Variants in CPED1 observed in about 807,000 individuals in gnomAD.
CPED1 encodes the protein cadherin like and PC-esterase domain containing 1.
CPED1 carries 114 observed loss-of-function variants against 128.2 expected under a neutral mutation model. That is an observed-to-expected ratio of 0.89 (90% CI 0.76 to 1.04). The LOEUF (loss-of-function observed/expected upper bound fraction) is 1.04. CPED1 is among the 50% of genes least tolerant of loss of function. CPED1 has a pLI of 0.00. For missense variants in CPED1, 1,211 were observed against 1,207.1 expected (o/e 1.00, Z -0.05); for synonymous variants, 462 against 426.7 (o/e 1.08, Z -1.02).
At chr7:121,027,005 ATTT>A (rs111761805) in intron 3 of CPED1, among the ~76,000 whole-genome samples, 2 of 135,484 alleles carry the variant, frequency 1.5e-5, no homozygotes, top group Non-Finnish European at 1.6e-5. Context: ...AATTTTTCTT[ATTT>A]TTTTTTTTTT....
At chr7:121,137,364 G>T (rs952012669) in intron 14 of CPED1, among the ~76,000 whole-genome samples, 3 of 151,948 alleles carry the variant, frequency 2.0e-5, no homozygotes, top group Non-Finnish European at 4.4e-5. Context: ...ATAGAAAGGA[G>T]GTCTTGCTAC....
intron 7 of CPED1, among the ~76,000 whole-genome samples, chr7:121,103,849 CAG>C (rs1794909941): frequency 6.6e-6 from 1 of 151,988 alleles, no homozygotes; most frequent in Non-Finnish European, 1.5e-5. Context: ...AAGGCAATAA[CAG>C]ATATAACTAT....
At chr7:121,147,459 G>A (rs1257286907) in intron 16 of CPED1, among the ~76,000 whole-genome samples, 1 of 152,070 alleles carries the variant, frequency 6.6e-6, no homozygotes, top group Non-Finnish European at 1.5e-5. Context: ...GATTTAGAAA[G>A]TAATAAACTG....
chr7:121,211,263 A>C (rs1797633975), intron 16 of CPED1, among the ~76,000 whole-genome samples: 1 of 152,072 alleles, frequency 6.6e-6, no homozygotes, highest in Middle Eastern at 3.2e-3. Context: ...CAGCTGTTAA[A>C]CTATTCTGTC....
chr7:121,019,415 A>G (rs182405620), intron 3 of CPED1, among the ~76,000 whole-genome samples: 49 of 152,174 alleles, frequency 3.2e-4, no homozygotes, highest in Admixed American at 7.9e-4. Context: ...TCAGTGTTTT[A>G]TCTCATGCAG....
At chr7:120,995,744 T>C (rs41694) in intron 2 of CPED1, among the ~76,000 whole-genome samples, 33,426 of 152,078 alleles carry the variant, frequency 0.22, 3,923 homozygotes, top group African/African-American at 0.26. Flanking sequence ...GCTTCTTCCC[T>C]GTACCTTGCT....
chr7:121,290,365 C>T (rs1792671260), intron 22 of CPED1, among the ~76,000 whole-genome samples: 1 of 152,150 alleles, frequency 6.6e-6, no homozygotes, highest in African/African-American at 2.4e-5. Flanking sequence ...AGTTCTAGAT[C>T]CTTGAGGAAT....
intron 5 of CPED1, among the ~76,000 whole-genome samples, chr7:121,079,907 C>G (rs17143147): frequency 3.3e-5 from 5 of 152,084 alleles, no homozygotes; most frequent in African/African-American, 1.2e-4. Flanking sequence ...TTGGGTAACA[C>G]GCTGATAATT....
intron 16 of CPED1, among the ~76,000 whole-genome samples, chr7:121,211,069 A>T (rs1433415027): frequency 3.3e-5 from 5 of 152,084 alleles, no homozygotes; most frequent in African/African-American, 1.2e-4. Flanking sequence ...ATGGAACATA[A>T]TTTGGGAAAC....
chr7:120,990,498 A>G (rs761334722), intron 2 of CPED1, among the ~76,000 whole-genome samples: 1 of 152,308 alleles, frequency 6.6e-6, no homozygotes, highest in South Asian at 2.1e-4. Flanking sequence ...TAAACTTACT[A>G]ATCTTACTTG....
chr7:121,244,459 T>A (rs2116689344), intron 18 of CPED1, 121 bp downstream of exon 18: 1 of 977,786 alleles, frequency 1.0e-6, no homozygotes, highest in South Asian at 1.6e-5. Context: ...ACTAACTGAA[T>A]GCAATATGGC....
rs141226011 is a variant in CPED1, at chr7:121,225,769, C to T, written c.2056-10945C>T. On this transcript the variant is annotated intron_variant, in intron 16 of 22. Coordinates refer to ENST00000310396, the MANE Select transcript of CPED1 (RefSeq NM_024913.5). The stretch of plus-strand genomic sequence containing the variant: ...ATACCCTTCTTCTACTTCATCGAAT[C>T]GGGTATTGAAGCTTGTGTATGCATC... 3.6e-3 allele frequency among the ~76,000 whole-genome samples: 541 copies of T among 152,152 alleles called. 9 individuals are homozygous for T. Among genetic ancestry groups the T allele is most frequent in the African/African-American group, 0.012 (508 of 41,534 alleles).
intron 16 of CPED1, among the ~76,000 whole-genome samples, chr7:121,186,709 A>G (rs920313890): frequency 6.6e-6 from 1 of 152,180 alleles, no homozygotes; most frequent in Non-Finnish European, 1.5e-5. Context: ...ATTATCTTAC[A>G]TGCTTAGCAG....
At chr7:121,146,879 T>C (rs143027654) in intron 16 of CPED1, among the ~76,000 whole-genome samples, 2 of 152,232 alleles carry the variant, frequency 1.3e-5, no homozygotes, top group East Asian at 1.9e-4. Flanking sequence ...TATAACCAGA[T>C]TGGGATTAGA....
chr7:121,228,996 A>C (rs1484547446), intron 16 of CPED1, among the ~76,000 whole-genome samples: 1 of 151,940 alleles, frequency 6.6e-6, no homozygotes, highest in Non-Finnish European at 1.5e-5. Context: ...GGGGGTAAGG[A>C]GGGAGGATGA....
At chr7:120,993,619 A>T (rs1796345184) in intron 2 of CPED1, among the ~76,000 whole-genome samples, 1 of 152,222 alleles carries the variant, frequency 6.6e-6, no homozygotes. Context: ...AAAATTCCTT[A>T]CTTGGCCCAG....
chr7:121,173,054 TG>T (rs1563054175), intron 16 of CPED1, among the ~76,000 whole-genome samples: 5 of 152,178 alleles, frequency 3.3e-5, no homozygotes, highest in Admixed American at 6.5e-5. Flanking sequence ...AGACCATTTT[TG>T]TTGGGCAGCT....
intron 16 of CPED1, among the ~76,000 whole-genome samples, chr7:121,190,223 T>C (rs909709291): frequency 3.3e-5 from 5 of 151,866 alleles, no homozygotes; most frequent in Admixed American, 3.3e-4. Context: ...GAGAAGCCTT[T>C]CAGCTATCTG....
intron 2 of CPED1, among the ~76,000 whole-genome samples, chr7:121,000,656 C>T (rs1297084407): frequency 6.6e-6 from 1 of 152,062 alleles, no homozygotes; most frequent in Non-Finnish European, 1.5e-5. Context: ...GTCAGAGTAA[C>T]TTGGTAAGAG....
Sources: gnomAD v4.1 joint callset for allele counts (sites outside exome capture counted in the v4.1 genomes callset) on GRCh38, gnomAD v4.1.1 for gene constraint, MANE v1.5 for transcripts, NCBI Gene and HGNC (gene_info 2026-07-23, HGNC 2026-07-21) for gene names.